Variants in ZNF385D observed in about 807,000 individuals in gnomAD.
ZNF385D encodes zinc finger protein 385D, also known as zinc finger protein 659.
In ZNF385D, 15 loss-of-function variants were observed where a neutral mutation model predicts 35.8. The ratio of observed to expected loss-of-function variants is 0.42; its 90% confidence interval spans 0.28 to 0.64. The LOEUF is 0.64. ZNF385D is among the 30% of genes least tolerant of loss of function. ZNF385D has a pLI of 0.23. For missense variants in ZNF385D, 474 were observed against 494.6 expected (o/e 0.96, Z 0.39); for synonymous variants, 212 against 186.8 (o/e 1.13, Z -1.10).
intron 3 of ZNF385D, among the ~76,000 whole-genome samples, chr3:21,557,815 A>G (rs1032452221): frequency 2.6e-5 from 4 of 152,150 alleles, no homozygotes; most frequent in African/African-American, 7.2e-5. Flanking sequence ...TTGGTAGGCT[A>G]TTAATTAACT....
intron 2 of ZNF385D, among the ~76,000 whole-genome samples, chr3:22,358,071 A>G (rs1696238256): frequency 6.6e-6 from 1 of 151,908 alleles, no homozygotes; most frequent in African/African-American, 2.4e-5. Context: ...AGTACTGGGC[A>G]CTCAATAAAT....
rs372222011 is a variant in ZNF385D at position 22,224,514 on chromosome 3, A to C, written c.107-55479T>G. Among the ~76,000 whole-genome samples the C allele has an allele frequency of 4.6e-5, 7 of 152,326 alleles. No homozygotes were observed. In the East Asian group the frequency reaches 1.2e-3, roughly 25 times the overall value. ...CCCCTGAAGGCATGGTAGACAACCC[A>C]CAGTGTATATTAAACAAAACTGCAG... On this transcript the variant is annotated intron_variant, in intron 2 of 5. Coordinates refer to the ZNF385D transcript ENST00000494108.
chr3:21,888,243 G>A (rs1267797019), intron 3 of ZNF385D, among the ~76,000 whole-genome samples: 2 of 152,112 alleles, frequency 1.3e-5, no homozygotes, highest in East Asian at 1.9e-4. Flanking sequence ...ACTTATAAAA[G>A]TAAGCTAGTA....
intron 3 of ZNF385D, among the ~76,000 whole-genome samples, chr3:22,039,778 G>A (rs534568894): frequency 1.2e-4 from 19 of 152,170 alleles, no homozygotes; most frequent in South Asian, 6.2e-4. Flanking sequence ...AGGGTACATC[G>A]TTTTAGGAGT....
At chr3:21,476,990 C>T (rs1029297327) in intron 4 of ZNF385D, among the ~76,000 whole-genome samples, 8 of 152,146 alleles carry the variant, frequency 5.3e-5, no homozygotes, top group African/African-American at 1.9e-4. Context: ...ATTTTTATAA[C>T]CACCACAAGG....
At chr3:21,679,508 A>G (rs993841535) in intron 1 of ZNF385D, among the ~76,000 whole-genome samples, 3 of 152,086 alleles carry the variant, frequency 2.0e-5, no homozygotes, top group Non-Finnish European at 4.4e-5. Flanking sequence ...TAGGCACCCA[A>G]GTACTTTTCA....
intron 4 of ZNF385D, among the ~76,000 whole-genome samples, chr3:21,452,471 C>T (rs1702517518): frequency 6.6e-6 from 1 of 151,946 alleles, no homozygotes; most frequent in Non-Finnish European, 1.5e-5. Flanking sequence ...ATTAGAGAAG[C>T]AGAAGTAAAA....
intron 4 of ZNF385D, among the ~76,000 whole-genome samples, chr3:21,462,421 A>C (rs2125315868): frequency 6.6e-6 from 1 of 152,302 alleles, no homozygotes; most frequent in African/African-American, 2.4e-5. Flanking sequence ...CTTGCAATTA[A>C]GTAAGCCAAG....
chr3:21,458,655 G>A (rs1702976533), intron 4 of ZNF385D, among the ~76,000 whole-genome samples: 1 of 152,034 alleles, frequency 6.6e-6, no homozygotes, highest in Non-Finnish European at 1.5e-5. Flanking sequence ...TGTCATGAAT[G>A]AACCATGAAA....
intron 2 of ZNF385D, among the ~76,000 whole-genome samples, chr3:21,631,324 T>TATAAGCAATATAAGCAATATAG (rs1313064763): frequency 5.4e-4 from 82 of 152,154 alleles, no homozygotes; most frequent in Admixed American, 5.4e-3. Context: ...CTTATAGCAA[T>TATAAGCAATATAAGCAATATAG]CAATATTTCC....
intron 3 of ZNF385D, among the ~76,000 whole-genome samples, chr3:21,805,208 T>A (rs560228353): frequency 5.3e-5 from 8 of 152,208 alleles, no homozygotes; most frequent in African/African-American, 1.9e-4. Flanking sequence ...TTGTATAGCA[T>A]TGAAAAACTG....
At chr3:21,698,584 A>C (rs1219016211) in intron 1 of ZNF385D, among the ~76,000 whole-genome samples, 1 of 152,148 alleles carries the variant, frequency 6.6e-6, no homozygotes, top group Non-Finnish European at 1.5e-5. Context: ...GCAAGCCTGC[A>C]TATATGCTCC....
intron 1 of ZNF385D, among the ~76,000 whole-genome samples, chr3:21,707,911 C>G (rs1196187499): frequency 2.0e-5 from 3 of 152,070 alleles, no homozygotes; most frequent in African/African-American, 7.2e-5. Flanking sequence ...TGCTTAGTGA[C>G]CTGAAGTCAC....
chr3:22,176,340 A>G (rs1024668884), intron 2 of ZNF385D, among the ~76,000 whole-genome samples: 1 of 152,190 alleles, frequency 6.6e-6, no homozygotes, highest in Non-Finnish European at 1.5e-5. Context: ...GTTCTTTACT[A>G]AAAAGCATTA....
At chr3:21,732,436 A>G in intron 1 of ZNF385D, among the ~76,000 whole-genome samples, 1 of 152,102 alleles carries the variant, frequency 6.6e-6, no homozygotes, top group Admixed American at 6.6e-5. Context: ...ATATGGTAAA[A>G]AGAAGTTTAG....
intron 2 of ZNF385D, among the ~76,000 whole-genome samples, chr3:22,275,928 C>T (rs2955645): frequency 0.95 from 144,383 of 152,132 alleles, 68,587 homozygotes; most frequent in East Asian, 1. Flanking sequence ...CTACTAAAAA[C>T]ACAAAAATTA....
intron 3 of ZNF385D, among the ~76,000 whole-genome samples, chr3:21,532,765 A>G (rs1207127522): frequency 6.6e-6 from 1 of 151,916 alleles, no homozygotes; most frequent in African/African-American, 2.4e-5. Context: ...TCATTTTAGC[A>G]TATATAGAGT....
At chr3:21,613,389 T>C (rs1390992340) in intron 2 of ZNF385D, among the ~76,000 whole-genome samples, 4 of 151,780 alleles carry the variant, frequency 2.6e-5, no homozygotes, top group Non-Finnish European at 5.9e-5. Flanking sequence ...GTCTTACTTA[T>C]TTTTTTGGCG....
In ZNF385D at chr3:21,930,450, C is replaced by G. The variant is rs552990337; in HGVS notation, c.325+238367G>C. On this transcript the variant is annotated intron_variant, in intron 3 of 5. Coordinates refer to the ZNF385D transcript ENST00000494108. The stretch of plus-strand genomic sequence containing the variant: ...AGAAATAGATACTCTGGACTTCACT[C>G]TAATTTCAAAAATTTGGGCTTCAAA... Among the ~76,000 whole-genome samples the G allele has an allele frequency of 4.6e-5, 7 of 152,088 alleles. No individual in the cohort carries two copies. The East Asian group carries it at 1.4e-3, about 29-fold the overall frequency.
Sources: allele counts gnomAD v4.1 joint callset (sites outside exome capture counted in the v4.1 genomes callset), GRCh38; gene constraint gnomAD v4.1.1; transcripts MANE v1.5; gene names NCBI Gene and HGNC (gene_info 2026-07-23, HGNC 2026-07-21).